GPD2: variants seen among roughly 807,000 people sequenced by gnomAD.
GPD2 encodes glycerol-3-phosphate dehydrogenase 2, also known as glycerol-3-phosphate dehydrogenase, mitochondrial.
Under a neutral mutation model 82.4 loss-of-function variants are expected in GPD2, and 54 were observed. That is an observed-to-expected ratio of 0.66 (90% CI 0.53 to 0.82). The LOEUF is 0.82. GPD2 is among the 40% of genes least tolerant of loss of function. GPD2 has a pLI of 0.00. For missense variants in GPD2, 748 were observed against 896.2 expected, an observed-to-expected ratio of 0.83 and a Z score of 2.11; for synonymous variants, 288 against 306.1, an observed-to-expected ratio of 0.94 and a Z score of 0.62.
At chr2:156,400,409 G>C in the GPD2 span, among the ~76,000 whole-genome samples, 1 of 152,244 alleles carries the variant, frequency 6.6e-6, no homozygotes, top group Non-Finnish European at 1.5e-5. Flanking sequence ...TCCTGGATCT[G>C]CGCTGCCTGC....
In GPD2 at chr2:156,557,494, T is replaced by G. The variant is rs762224215; in HGVS notation, c.1077T>G (p.Thr359=). The change falls in exon 9 of 17, where the codon ACT becomes ACG. Residue 359 remains threonine (T), a synonymous_variant. Transcript: ENST00000438166. Reference sequence around the variant, plus strand: ...TCGCTGGCACTACTGATACTCCAACTGATGTTACACACCATCCAATTCCTT... The same window carrying G: ...TCGCTGGCACTACTGATACTCCAACGGATGTTACACACCATCCAATTCCTT... The part of the protein sequence containing the change: ...MTIAGTTDTP[T]DVTHHPIPSE... The G allele has an allele frequency of 1.3e-6, 2 of 1,596,956 alleles. No homozygotes were observed. The highest frequency in any genetic ancestry group is 1.7e-6 in the Non-Finnish European group (2 of 1,164,290).
chr2:156,569,600 GAACTGGCAGCA>G, intron 11 of GPD2, 62 bp downstream of exon 11: 5 of 1,219,366 alleles, frequency 4.1e-6, no homozygotes, highest in Non-Finnish European at 6.1e-6. Flanking sequence ...GCCAGTGACA[GAACTGGCAGCA>G]ATCAGGTCTC....
At chr2:156,492,147 CTTTT>C (rs770947790) in intron 2 of GPD2, among the ~76,000 whole-genome samples, 36 of 75,504 alleles carry the variant, frequency 4.8e-4, no homozygotes, top group East Asian at 4.5e-3. Context: ...CCCTCCCTAC[CTTTT>C]TTTTTTTTTT....
intron 1 of GPD2, among the ~76,000 whole-genome samples, chr2:156,445,317 T>C (rs975020809): frequency 2.0e-5 from 3 of 152,222 alleles, no homozygotes; most frequent in African/African-American, 7.2e-5. Context: ...AAAACTGTTT[T>C]AAAAACAATA....
chr2:156,434,027 G>A (rs1249445828), upstream of GPD2, among the ~76,000 whole-genome samples: 1 of 152,076 alleles, frequency 6.6e-6, no homozygotes, highest in Non-Finnish European at 1.5e-5. Context: ...ATATTGGTTT[G>A]ATTTGTCAAA....
At chr2:156,477,247 A>G (rs980766465) in intron 2 of GPD2, among the ~76,000 whole-genome samples, 17 of 152,288 alleles carry the variant, frequency 1.1e-4, no homozygotes, top group African/African-American at 3.8e-4. Context: ...CCTGGACAAT[A>G]TGGTGAAACC....
chr2:156,507,117 G>A (rs534023789), intron 3 of GPD2, among the ~76,000 whole-genome samples: 6 of 151,616 alleles, frequency 4.0e-5, no homozygotes, highest in East Asian at 3.9e-4. Context: ...GGGTTCAAGC[G>A]ATTCTCCTGC....
intron 1 of GPD2, among the ~76,000 whole-genome samples, chr2:156,464,867 T>C (rs1389417490): frequency 6.6e-6 from 1 of 152,180 alleles, no homozygotes; most frequent in African/African-American, 2.4e-5. Flanking sequence ...CTTTTTTTTT[T>C]TGAGATGGAG....
chr2:156,426,099 A>AT, the GPD2 span, among the ~76,000 whole-genome samples: 1 of 151,778 alleles, frequency 6.6e-6, no homozygotes, highest in Admixed American at 6.6e-5. Flanking sequence ...AATTTTTTGT[A>AT]TTTTTAGTAG....
chr2:156,486,798 T>G (rs1323689559), intron 2 of GPD2, among the ~76,000 whole-genome samples: 1 of 152,226 alleles, frequency 6.6e-6, no homozygotes, highest in Non-Finnish European at 1.5e-5. Context: ...GATGAAATAA[T>G]TCACAGAGAA....
chr2:156,485,387 C>T (rs1023616576), intron 2 of GPD2, among the ~76,000 whole-genome samples: 1 of 152,194 alleles, frequency 6.6e-6, no homozygotes, highest in Non-Finnish European at 1.5e-5. Flanking sequence ...CTTTCTAGGG[C>T]TTGCATTTGA....
chr2:156,500,238 C>T (rs537960579), intron 3 of GPD2, among the ~76,000 whole-genome samples: 1 of 152,208 alleles, frequency 6.6e-6, no homozygotes, highest in South Asian at 2.1e-4. Flanking sequence ...AAAGGATGGG[C>T]AAACTTTAGC....
At chr2:156,424,682 C>G in the GPD2 span, among the ~76,000 whole-genome samples, 1 of 152,134 alleles carries the variant, frequency 6.6e-6, no homozygotes, top group Admixed American at 6.5e-5. Context: ...TGTTTTATTG[C>G]CTTTTTAAGG....
At chr2:156,465,004 C>T (rs1396240213) in intron 1 of GPD2, among the ~76,000 whole-genome samples, 1 of 152,102 alleles carries the variant, frequency 6.6e-6, no homozygotes, top group African/African-American at 2.4e-5. Context: ...GCACCCATCA[C>T]AACGCCTGGC....
chr2:156,471,492 C>A (rs1044511849), intron 1 of GPD2, among the ~76,000 whole-genome samples: 1 of 152,200 alleles, frequency 6.6e-6, no homozygotes, highest in Non-Finnish European at 1.5e-5. Flanking sequence ...CTCTGGACTT[C>A]TTTTTAAACA....
the GPD2 span, among the ~76,000 whole-genome samples, chr2:156,430,059 C>G: frequency 1.3e-5 from 2 of 152,144 alleles, no homozygotes; most frequent in Non-Finnish European, 2.9e-5. Context: ...ACATAACTTT[C>G]TAATTCATGT....
chr2:156,496,856 TA>T, intron 3 of GPD2, among the ~76,000 whole-genome samples: 1 of 32,350 alleles, frequency 3.1e-5, no homozygotes, highest in South Asian at 4.5e-3. Context: ...ATGTATCTCT[TA>T]AAATCATCTC....
upstream of GPD2, among the ~76,000 whole-genome samples, chr2:156,435,990 G>A (rs1382063358): frequency 6.6e-6 from 1 of 152,208 alleles, no homozygotes; most frequent in African/African-American, 2.4e-5. Flanking sequence ...TCTGGAGTCC[G>A]GCATCGCCGA....
chr2:156,452,039 G>A (rs1346475575), intron 1 of GPD2, among the ~76,000 whole-genome samples: 4 of 151,970 alleles, frequency 2.6e-5, no homozygotes, highest in East Asian at 1.9e-4. Flanking sequence ...ATGGGATGGC[G>A]GCCGGGCAGA....
Sources: gnomAD v4.1 joint callset for allele counts (sites outside exome capture counted in the v4.1 genomes callset) on GRCh38, gnomAD v4.1.1 for gene constraint, MANE v1.5 for transcripts, NCBI Gene and HGNC (gene_info 2026-07-23, HGNC 2026-07-21) for gene names.